The following TSNARE1 variants were observed in gnomAD, a reference collection of about 807,000 sequenced individuals.
TSNARE1 encodes t-SNARE domain-containing protein 1.
Under a neutral mutation model 62.0 loss-of-function variants are expected in TSNARE1, and 49 were observed. That is an observed-to-expected ratio of 0.79 (90% CI 0.63 to 1.00). TSNARE1 has a LOEUF of 1.00. Ranked by LOEUF, TSNARE1 falls within the 50% of genes least tolerant of loss-of-function variation. TSNARE1 has a pLI of 0.00. For synonymous variants in TSNARE1, 328 were observed against 294.4 expected (o/e 1.11, Z -1.17); for missense variants, 755 against 700.1 (o/e 1.08, Z -0.88).
chr8:142,332,540 T>C (rs1304146199), intron 4 of TSNARE1, among the ~76,000 whole-genome samples: 3 of 152,188 alleles, frequency 2.0e-5, no homozygotes, highest in South Asian at 4.1e-4. Flanking sequence ...ATGGATAAGA[T>C]GGTGAATTCT....
rs941493024 is a variant in TSNARE1, at chr8:142,317,065, T to C, written c.984+1479A>G. On this transcript the variant is annotated intron_variant, in intron 7 of 13. Transcript: ENST00000524325. Reference sequence around the variant, plus strand: ...AGCAGGTGCGGCCAGCAGCTCACACTGCACACATGAAGCGGGTATGGCCAG... The same window carrying C: ...AGCAGGTGCGGCCAGCAGCTCACACCGCACACATGAAGCGGGTATGGCCAG... Among the ~76,000 whole-genome samples, 4 of 151,852 alleles carry C rather than the reference T, an allele frequency of 2.6e-5. 1 individual carries two copies. In the Admixed American group the frequency reaches 2.7e-4, roughly 10 times the overall value.
intron 12 of TSNARE1, among the ~76,000 whole-genome samples, chr8:142,254,828 G>T (rs1263084368): frequency 2.0e-5 from 3 of 152,184 alleles, no homozygotes; most frequent in African/African-American, 7.2e-5. Flanking sequence ...GACGGCCAAG[G>T]GGAGGAGAGT....
intron 1 of TSNARE1, among the ~76,000 whole-genome samples, chr8:142,387,795 T>A (rs1172367710): frequency 1.3e-5 from 2 of 151,918 alleles, no homozygotes; most frequent in Admixed American, 1.3e-4. Flanking sequence ...AAGCACCAGG[T>A]CCCAACAATT....
chr8:142,344,568 T>C (rs1833099131), intron 3 of TSNARE1, 96 bp from the exon 4 acceptor site: 2 of 1,306,664 alleles, frequency 1.5e-6, no homozygotes, highest in South Asian at 1.6e-5. Context: ...CTCTGGTTTC[T>C]GCTTCAGGAC....
chr8:142,297,721 G>A (rs796553482), intron 10 of TSNARE1, among the ~76,000 whole-genome samples: 3 of 152,354 alleles, frequency 2.0e-5, no homozygotes, highest in African/African-American at 7.2e-5. Context: ...CCTCCGCTGC[G>A]TCACAGCCTC....
intron 7 of TSNARE1, among the ~76,000 whole-genome samples, chr8:142,315,386 C>T (rs1174680459): frequency 6.6e-6 from 1 of 152,246 alleles, no homozygotes; most frequent in Admixed American, 6.5e-5. Context: ...ACTGTGACTC[C>T]TCTTCCACAG....
intron 2 of TSNARE1, among the ~76,000 whole-genome samples, chr8:142,354,213 C>T (rs1366524736): frequency 2.6e-5 from 4 of 152,264 alleles, no homozygotes; most frequent in East Asian, 3.9e-4. Context: ...GCACCAGCTG[C>T]GCGGCCCTGG....
rs576541158 is a variant in TSNARE1 at position 142,348,402 on chromosome 8, G to A, written c.89-2510C>T. Among the ~76,000 whole-genome samples, 198 of 152,270 alleles carry A rather than the reference G, an allele frequency of 1.3e-3. 1 individual carries two copies. The highest frequency in any genetic ancestry group is 3.8e-3 in the African/African-American group (159 of 41,544). On this transcript the variant is annotated intron_variant, in intron 2 of 13. Coordinates refer to ENST00000524325, the MANE Select transcript of TSNARE1 (RefSeq NM_145003.5). Reference sequence around the variant, plus strand: ...TCACATGTGGTGAACACCTCTGCCCGTGTGTCTATCTCCTAAGACAGAGTC... The same window carrying A: ...TCACATGTGGTGAACACCTCTGCCCATGTGTCTATCTCCTAAGACAGAGTC...
intron 7 of TSNARE1, among the ~76,000 whole-genome samples, chr8:142,315,844 G>A (rs1828445027): frequency 6.6e-6 from 1 of 152,232 alleles, no homozygotes; most frequent in African/African-American, 2.4e-5. Flanking sequence ...GGGGCACTGG[G>A]AGCAGCCTAC....
intron 12 of TSNARE1, among the ~76,000 whole-genome samples, chr8:142,232,466 G>T (rs1274015773): frequency 6.6e-6 from 1 of 152,254 alleles, no homozygotes; most frequent in Non-Finnish European, 1.5e-5. Context: ...AACCCGCTGG[G>T]TTCAACAAAT....
chr8:142,384,142 G>A (rs1372696306), intron 1 of TSNARE1, among the ~76,000 whole-genome samples: 6 of 152,058 alleles, frequency 3.9e-5, no homozygotes, highest in South Asian at 4.2e-4. Flanking sequence ...CTGAACAGTC[G>A]ACAGACCCAA....
chr8:142,223,000 T>TCAGC (rs1816498805), intron 13 of TSNARE1, among the ~76,000 whole-genome samples: 1 of 136,384 alleles, frequency 7.3e-6, no homozygotes, highest in African/African-American at 2.9e-5. Context: ...ACTCTCTCAT[T>TCAGC]CACTCATTTA....
rs540073041 is a variant in TSNARE1, at chr8:142,275,522, T to G, written c.1364-659A>C. ...GGGCAGCCCCAGGGATCCGGAAGAT[T>G]CCATGCTCAGCATTGTCTTCCACCC... is the stretch of plus-strand genomic sequence containing the variant. On this transcript the variant is annotated intron_variant, in intron 11 of 13. Coordinates refer to ENST00000524325, the MANE Select transcript of TSNARE1 (RefSeq NM_145003.5). 21 of 985,364 alleles carry G rather than the reference T, an allele frequency of 2.1e-5. No individual in the cohort carries two copies. In the South Asian group the frequency reaches 8.5e-4, roughly 40 times the overall value. The allele number at this position is 985,364 out of a possible 1,614,324, so 61.0% of individuals were successfully genotyped here.
intron 9 of TSNARE1, among the ~76,000 whole-genome samples, chr8:142,303,396 G>A (rs943265840): frequency 3.9e-5 from 6 of 152,204 alleles, no homozygotes; most frequent in South Asian, 2.1e-4. Context: ...AGGGCCCAGC[G>A]AGGTGCCCCG....
intron 9 of TSNARE1, among the ~76,000 whole-genome samples, chr8:142,307,037 A>G (rs557558556): frequency 4.0e-4 from 61 of 152,278 alleles, no homozygotes; most frequent in Admixed American, 1.1e-3. Flanking sequence ...GGTTCTGAAT[A>G]CTACAGAAAT....
intron 10 of TSNARE1, among the ~76,000 whole-genome samples, chr8:142,290,729 CAA>C (rs1823609291): frequency 6.6e-6 from 1 of 152,266 alleles, no homozygotes; most frequent in South Asian, 2.1e-4. Flanking sequence ...TGTGCAATGC[CAA>C]CCACAGGGCA....
At chr8:142,385,333 C>T (rs901415231) in intron 1 of TSNARE1, among the ~76,000 whole-genome samples, 28 of 152,308 alleles carry the variant, frequency 1.8e-4, no homozygotes, top group African/African-American at 6.3e-4. Context: ...AGGGACTGTT[C>T]CCACCCACCA....
chr8:142,271,639 C>T, intron 12 of TSNARE1: 1 of 1,413,942 alleles, frequency 7.1e-7, no homozygotes, highest in Non-Finnish European at 9.2e-7. Context: ...TGGGCCCTTC[C>T]AGGGACCTCA....
chr8:142,315,666 G>C (rs1244445490), intron 7 of TSNARE1, among the ~76,000 whole-genome samples: 2 of 152,180 alleles, frequency 1.3e-5, no homozygotes, highest in Non-Finnish European at 2.9e-5. Context: ...GGCTGGACAC[G>C]CAGCCCTGGG....
Sources: allele counts gnomAD v4.1 joint callset (sites outside exome capture counted in the v4.1 genomes callset), GRCh38; gene constraint gnomAD v4.1.1; transcripts MANE v1.5; gene names NCBI Gene and HGNC (gene_info 2026-07-23, HGNC 2026-07-21).